The following TULP3 variants were observed in gnomAD, a reference collection of about 807,000 sequenced individuals.
TULP3 encodes the protein TUB like protein 3.
A neutral mutation model predicts 50.7 loss-of-function variants in TULP3; 38 were observed. The observed-to-expected ratio is 0.75, with a 90% CI of 0.58 to 0.98. TULP3 has a LOEUF of 0.98. TULP3 is among the 50% of genes least tolerant of loss of function. TULP3 has a pLI of 0.00. For missense variants in TULP3, 550 were observed against 568.0 expected, an observed-to-expected ratio of 0.97 and a Z score of 0.32; for synonymous variants, 183 against 196.6, an observed-to-expected ratio of 0.93 and a Z score of 0.58.
At chr12:2,920,948 C>T (rs753484845) in intron 3 of TULP3, 26 bp downstream of exon 3, 2 of 1,610,348 alleles carry the variant, frequency 1.2e-6, no homozygotes, top group African/African-American at 2.7e-5. Context: ...GCATCACTTC[C>T]TAGTGGGGTA....
chr12:2,938,586 A>G (rs1433395141), intron 10 of TULP3, among the ~76,000 whole-genome samples: 1 of 152,000 alleles, frequency 6.6e-6, no homozygotes, highest in Admixed American at 6.6e-5. Flanking sequence ...GCTTGAGACC[A>G]GCCTGGGCAA....
chr12:2,891,108 G>T (rs1353609222), intron 1 of TULP3, 120 bp downstream of exon 1: 1 of 1,234,490 alleles, frequency 8.1e-7, no homozygotes, highest in Non-Finnish European at 1.1e-6. Context: ...GGCGACTCAG[G>T]GAGGGACTGG....
chr12:2,935,011 AT>A (rs1351336664), intron 8 of TULP3, among the ~76,000 whole-genome samples: 1 of 149,766 alleles, frequency 6.7e-6, no homozygotes, highest in African/African-American at 2.5e-5. Flanking sequence ...TTTTCATTTC[AT>A]TTCACACCCG....
chr12:2,907,521 G>A (rs980756453), intron 1 of TULP3, among the ~76,000 whole-genome samples: 2 of 149,694 alleles, frequency 1.3e-5, no homozygotes, highest in Admixed American at 6.7e-5. Context: ...GATGGTGCAT[G>A]CCTGTAGTTC....
At chr12:2,938,408 A>C (rs1241771272) in intron 10 of TULP3, 123 bp downstream of exon 10, 1 of 1,160,798 alleles carries the variant, frequency 8.6e-7, no homozygotes, top group East Asian at 2.5e-5. Context: ...GAGAGACAGG[A>C]TTTCTTTGGA....
intron 2 of TULP3, among the ~76,000 whole-genome samples, chr12:2,916,395 T>G (rs2098188714): frequency 8.4e-6 from 1 of 118,686 alleles, no homozygotes; most frequent in Admixed American, 8.2e-5. Context: ...GACATCACCA[T>G]TCAATATTTT....
chr12:2,929,312 G>A (rs1270907040), intron 4 of TULP3, among the ~76,000 whole-genome samples: 8 of 151,436 alleles, frequency 5.3e-5, no homozygotes, highest in South Asian at 2.1e-4. Context: ...GCGAGACTCC[G>A]TCTCAAAAAA....
intron 3 of TULP3, among the ~76,000 whole-genome samples, chr12:2,921,784 TTAA>T (rs2098191928): frequency 6.6e-6 from 1 of 152,070 alleles, no homozygotes. Flanking sequence ...ACAGAGCATG[TTAA>T]TAAAATGAAC....
intron 1 of TULP3, among the ~76,000 whole-genome samples, chr12:2,901,919 T>C (rs1450208770): frequency 6.6e-6 from 1 of 152,232 alleles, no homozygotes. Context: ...GTTTTTCTTC[T>C]AAAGGATGTT....
At chr12:2,900,366 G>A (rs1202546073) in intron 1 of TULP3, among the ~76,000 whole-genome samples, 1 of 152,186 alleles carries the variant, frequency 6.6e-6, no homozygotes, top group Non-Finnish European at 1.5e-5. Flanking sequence ...GATTGGAAAT[G>A]TTGCCTGCAG....
Position 2,917,738 on chromosome 12 carries a change from G to A in TULP3, c.94-3025G>A, listed in dbSNP as rs2098189478. 2.0e-5 allele frequency among the ~76,000 whole-genome samples: 3 copies of A among 150,876 alleles called. No individual in the cohort carries two copies. The South Asian group carries it at 6.3e-4, about 32-fold the overall frequency. ...TAAAAATACAAAAAATTAGCCGGGC[G>A]CGGTGCCGGACGCCTGTAGTCCCAG... On this transcript the variant is annotated intron_variant, in intron 2 of 10. Coordinates refer to ENST00000448120, the MANE Select transcript of TULP3 (RefSeq NM_003324.5).
chr12:2,905,217 C>T (rs560347708), intron 1 of TULP3, among the ~76,000 whole-genome samples: 3 of 146,988 alleles, frequency 2.0e-5, no homozygotes, highest in Admixed American at 6.8e-5. Flanking sequence ...GACAGAGTCT[C>T]GCTCTCTTGC....
intron 1 of TULP3, among the ~76,000 whole-genome samples, chr12:2,899,823 G>A (rs1369807701): frequency 6.7e-6 from 1 of 148,920 alleles, no homozygotes; most frequent in Non-Finnish European, 1.5e-5. Context: ...AACCCAGGAG[G>A]CGGAGCTTGC....
At chr12:2,899,562 T>C (rs2098177654) in intron 1 of TULP3, among the ~76,000 whole-genome samples, 1 of 152,040 alleles carries the variant, frequency 6.6e-6, no homozygotes, top group South Asian at 2.1e-4. Flanking sequence ...CCCGTTACCT[T>C]ATGGAATAAA....
At chr12:2,891,142 C>G (rs1474716747) in intron 1 of TULP3, among the ~76,000 whole-genome samples, 154 bp downstream of exon 1, 1 of 152,154 alleles carries the variant, frequency 6.6e-6, no homozygotes, top group Non-Finnish European at 1.5e-5. Flanking sequence ...AGGCGACCCC[C>G]TCGCCCTACT....
chr12:2,939,938 G>GT lies in TULP3; in HGVS notation c.*494_*495insT. 1.6e-6 allele frequency: 2 copies of GT among 1,271,714 alleles called. No homozygotes were observed. The highest frequency in any genetic ancestry group is 3.0e-5 in the African/African-American group (2 of 65,672). The allele number at this position is 1,271,714 out of a possible 1,614,324, so 78.8% of individuals were successfully genotyped here. A position where few individuals can be genotyped will look rare whatever the true frequency, so the allele number is the denominator to read the frequency against. On this transcript the variant is annotated 3_prime_UTR_variant, in exon 11 of 11. Transcript: ENST00000448120. This position sits in a 1 kb window ranked among gnomAD's most constrained non-coding sequence, Gnocchi z 4.0. ...TGTCACATTGGGGTCTCCAAAGCTA[G>GT]AATGGGATTTCATGTGCTTGGAAAC...
In TULP3 at chr12:2,939,990, G is replaced by A. The variant is rs750804493; in HGVS notation, c.*546G>A. The A allele has an allele frequency of 2.3e-5, 30 of 1,280,992 alleles. No homozygotes were observed. The highest frequency in any genetic ancestry group is 2.1e-4 in the Middle Eastern group (1 of 4,688). The allele number at this position is 1,280,992 out of a possible 1,614,324, so 79.4% of individuals were successfully genotyped here. A position where few individuals can be genotyped will look rare whatever the true frequency, so the allele number is the denominator to read the frequency against. On this transcript the variant is annotated 3_prime_UTR_variant, in exon 11 of 11. Coordinates refer to ENST00000448120, the MANE Select transcript of TULP3 (RefSeq NM_003324.5). The surrounding 1 kb of genome is among the most constrained non-coding windows in gnomAD (Gnocchi z 4.0). ...TGCAGTAGAATCAGGGACTGACATC[G>A]CAGTTCCTCTCCTCTCTTCATTCCC...
At chr12:2,936,408 GACAAAGT>G (rs1445046609) in intron 8 of TULP3, among the ~76,000 whole-genome samples, 2 of 151,872 alleles carry the variant, frequency 1.3e-5, no homozygotes, top group African/African-American at 4.8e-5. Context: ...TGTTGGTGCT[GACAAAGT>G]TGAACAGTTT....
chr12:2,891,811 T>C (rs2098172259), intron 1 of TULP3, among the ~76,000 whole-genome samples: 1 of 152,046 alleles, frequency 6.6e-6, no homozygotes, highest in Non-Finnish European at 1.5e-5. Flanking sequence ...CCCAGCACTT[T>C]GGGAGGCCAA....
Sources: gnomAD v4.1 joint callset for allele counts (sites outside exome capture counted in the v4.1 genomes callset) on GRCh38, gnomAD v4.1.1 for gene constraint, Gnocchi (gnomAD v3.1) non-coding constraint, MANE v1.5 for transcripts, NCBI Gene and HGNC (gene_info 2026-07-23, HGNC 2026-07-21) for gene names.